The following SUMF1 variants were observed in gnomAD, a reference collection of about 807,000 sequenced individuals.
The protein encoded by SUMF1 is sulfatase modifying factor 1.
SUMF1 carries 48 observed loss-of-function variants against 47.6 expected under a neutral mutation model. That is an observed-to-expected ratio of 1.01 (90% CI 0.80 to 1.28). SUMF1 has a LOEUF of 1.28. Ranked by LOEUF, SUMF1 falls within the 50% of genes most tolerant of loss-of-function variation. The probability of loss-of-function intolerance (pLI) is 0.00; values close to 1 mark genes in which losing one functional copy is unlikely to be tolerated. For missense variants in SUMF1, 571 were observed against 485.4 expected (o/e 1.18, Z -1.66); for synonymous variants, 230 against 192.1 (o/e 1.20, Z -1.63).
At chr3:4,069,983 A>G (rs1427520374) in intron 8 of SUMF1, among the ~76,000 whole-genome samples, 1 of 152,110 alleles carries the variant, frequency 6.6e-6, no homozygotes, top group African/African-American at 2.4e-5. Flanking sequence ...GAAACATACA[A>G]CCTGCTCTCT....
At chr3:4,376,845 G>C (rs897341086) in intron 7 of SUMF1, among the ~76,000 whole-genome samples, 5 of 152,124 alleles carry the variant, frequency 3.3e-5, no homozygotes, top group African/African-American at 1.2e-4. Flanking sequence ...ACCCAGGCTG[G>C]AGTGCAGTGC....
chr3:4,068,489 A>G (rs768214412), intron 9 of SUMF1: 3 of 179,256 alleles, frequency 1.7e-5, no homozygotes, highest in Non-Finnish European at 3.7e-5. Context: ...CATGTAATCA[A>G]TATAAAAATG....
chr3:4,270,344 CCTT>C (rs1164163282), intron 8 of SUMF1, among the ~76,000 whole-genome samples: 1 of 152,018 alleles, frequency 6.6e-6, no homozygotes, highest in Non-Finnish European at 1.5e-5. Context: ...AAAGTCTCTT[CCTT>C]CTTCTCTCTT....
intron 8 of SUMF1, among the ~76,000 whole-genome samples, chr3:4,287,567 A>T (rs1375691161): frequency 6.6e-6 from 1 of 152,176 alleles, no homozygotes; most frequent in East Asian, 1.9e-4. Context: ...TACAGCAATT[A>T]CCAAAAACAC....
At chr3:4,380,275 G>C (rs1316428565) in intron 7 of SUMF1, among the ~76,000 whole-genome samples, 4 of 152,214 alleles carry the variant, frequency 2.6e-5, no homozygotes, top group Non-Finnish European at 5.9e-5. Flanking sequence ...GCAGCAACAT[G>C]AATGGTGCTG....
chr3:4,195,553 G>C (rs956181148), intron 8 of SUMF1, among the ~76,000 whole-genome samples: 13 of 152,132 alleles, frequency 8.5e-5, no homozygotes, highest in Non-Finnish European at 1.5e-4. Context: ...AATGTAGAGA[G>C]AGCAGAAAGA....
At chr3:4,214,343 T>C (rs1695869107) in intron 8 of SUMF1, among the ~76,000 whole-genome samples, 1 of 152,068 alleles carries the variant, frequency 6.6e-6, no homozygotes, top group Non-Finnish European at 1.5e-5. Context: ...CACAAATAGA[T>C]GTTCTTTGAA....
At chr3:4,060,066 ATG>A (rs1478948048) in intron 9 of SUMF1, among the ~76,000 whole-genome samples, 1 of 152,192 alleles carries the variant, frequency 6.6e-6, no homozygotes, top group African/African-American at 2.4e-5. Flanking sequence ...GTTATTATAA[ATG>A]CAGAAGAAAG....
At chr3:4,340,617 G>A (rs1699252082) in intron 8 of SUMF1, among the ~76,000 whole-genome samples, 1 of 152,326 alleles carries the variant, frequency 6.6e-6, no homozygotes, top group Admixed American at 6.5e-5. Context: ...CCAGGGGAGA[G>A]TTAATAAATA....
intron 8 of SUMF1, among the ~76,000 whole-genome samples, chr3:4,157,722 A>T (rs1694487236): frequency 6.6e-6 from 1 of 151,492 alleles, no homozygotes; most frequent in African/African-American, 2.4e-5. Context: ...TTTCCAGCAT[A>T]AGGCAATTAA....
At chr3:4,465,920 T>C (rs1461298837) in intron 1 of SUMF1, among the ~76,000 whole-genome samples, 1 of 152,044 alleles carries the variant, frequency 6.6e-6, no homozygotes, top group East Asian at 1.9e-4. Context: ...CTCACCTAAG[T>C]CCTAAATATT....
intron 8 of SUMF1, among the ~76,000 whole-genome samples, chr3:4,294,115 G>A (rs1019822219): frequency 1.5e-4 from 23 of 152,238 alleles, no homozygotes; most frequent in South Asian, 4.1e-4. Flanking sequence ...TGCCTACTTC[G>A]TGGAATTGTT....
intron 7 of SUMF1, among the ~76,000 whole-genome samples, chr3:4,393,696 A>T (rs1700950714): frequency 6.6e-6 from 1 of 151,782 alleles, no homozygotes; most frequent in South Asian, 2.1e-4. Flanking sequence ...CAGAAAGAGG[A>T]TATGGAATCA....
At chr3:4,215,186 T>G (rs1461494537) in intron 8 of SUMF1, among the ~76,000 whole-genome samples, 1 of 151,982 alleles carries the variant, frequency 6.6e-6, no homozygotes, top group Admixed American at 6.6e-5. Context: ...GCACATGAAA[T>G]GCTTATCCAC....
At chr3:4,253,638 G>C (rs1025877658) in intron 8 of SUMF1, among the ~76,000 whole-genome samples, 28 of 151,796 alleles carry the variant, frequency 1.8e-4, no homozygotes, top group Admixed American at 1.5e-3. Context: ...CTGATTGCTA[G>C]CACAGCAGTC....
At chr3:4,222,800 G>A (rs1008085496) in intron 8 of SUMF1, among the ~76,000 whole-genome samples, 1 of 152,096 alleles carries the variant, frequency 6.6e-6, no homozygotes. Flanking sequence ...CGCTGGGTGA[G>A]GAAAGAGATT....
rs909388224 is a variant in SUMF1, at chr3:4,385,932, G to T, written c.955-9543C>A. 8.5e-5 allele frequency among the ~76,000 whole-genome samples: 13 copies of T among 152,076 alleles called. 2 individuals carry two copies. The highest frequency in any genetic ancestry group is 7.9e-4 in the Admixed American group (12 of 15,250). ...TTGGCAACTTTGTCAAAAATCAGTT[G>T]GGCATCATATATGTGTGGGCCTATT... On this transcript the variant is annotated intron_variant, in intron 7 of 8. Transcript: ENST00000272902.
At chr3:4,413,640 C>T (rs773421842) in intron 6 of SUMF1, among the ~76,000 whole-genome samples, 6 of 151,874 alleles carry the variant, frequency 4.0e-5, no homozygotes, top group Admixed American at 1.3e-4. Flanking sequence ...AGCTGATATG[C>T]GTTAAAGCCA....
intron 8 of SUMF1, among the ~76,000 whole-genome samples, chr3:4,371,642 A>G (rs1192748504): frequency 6.6e-6 from 1 of 152,222 alleles, no homozygotes; most frequent in Non-Finnish European, 1.5e-5. Flanking sequence ...AGGCTGAGCT[A>G]AAGACCCAGA....
Sources: gnomAD v4.1 joint callset for allele counts (sites outside exome capture counted in the v4.1 genomes callset) on GRCh38, gnomAD v4.1.1 for gene constraint, MANE v1.5 for transcripts, NCBI Gene and HGNC (gene_info 2026-07-23, HGNC 2026-07-21) for gene names.